IQCN: variants seen among roughly 807,000 people sequenced by gnomAD.
IQCN encodes the protein IQ domain-containing protein N.
IQCN carries 46 observed loss-of-function variants against 64.4 expected under a neutral mutation model. The observed-to-expected ratio is 0.71, with a 90% CI of 0.56 to 0.91. IQCN has a LOEUF of 0.91. Among genes scored for constraint, IQCN ranks in the 40% least tolerant of loss-of-function variants. The pLI, the probability that IQCN is intolerant of heterozygous loss-of-function variation, is 0.00. For missense variants in IQCN, 1,753 were observed against 1,857.4 expected (o/e 0.94, Z 1.03); for synonymous variants, 733 against 775.6 (o/e 0.95, Z 0.91).
At position 18,267,465 on chromosome 19, in the gene IQCN, C is replaced by T; in HGVS notation, c.75G>A (p.Glu25=). 1 of 1,538,920 alleles carries T rather than the reference C, an allele frequency of 6.5e-7. No individual in the cohort carries two copies. The highest frequency in any genetic ancestry group is 8.7e-7 in the Non-Finnish European group (1 of 1,145,726). ...GCACCGCCCACTGGGTGACAACTGG[C>T]TCGTGAACTGTAGCTAGGCGGCCGG... ...NAAGRLATVH[E]PVVTQWAVHP... Residue 25 remains glutamate, a synonymous_variant, in exon 3 of 4, where the codon GAG becomes GAA. Transcript: ENST00000392413.
Position 18,257,154 on chromosome 19 carries a change from A to G in IQCN, c.*26T>C. ...AGAGAGCCATGAGTGCCTCCCACGA[A>G]GTCCCCACTGCAGGGAGCCAGGGTC... On this transcript the variant is annotated 3_prime_UTR_variant, in exon 4 of 4. Coordinates refer to ENST00000392413, the MANE Select transcript of IQCN (RefSeq NM_001145304.2). 1.2e-6 allele frequency: 2 copies of G among 1,606,526 alleles called. No homozygotes were observed. The highest frequency in any genetic ancestry group is 1.7e-6 in the Non-Finnish European group (2 of 1,177,866).
intron 1 of IQCN, among the ~76,000 whole-genome samples, chr19:18,271,611 T>C (rs769950252): frequency 1.1e-4 from 16 of 152,070 alleles, no homozygotes; most frequent in South Asian, 2.1e-4. Flanking sequence ...ACGGAGATAA[T>C]TGCTGGATCG....
rs61740702 is a variant in IQCN at position 18,266,726 on chromosome 19, C to T, written c.814G>A (p.Val272Ile). 408 of 1,614,070 alleles carry T rather than the reference C, an allele frequency of 2.5e-4. 1 individual carries two copies. The African/African-American group carries it at 3.2e-3, about 13-fold the overall frequency. The change falls in exon 3 of 4, where the codon GTC becomes ATC. Residue 272 changes from valine to isoleucine, a missense_variant. Val to Ile is a conservative substitution (Grantham distance 29). Transcript: ENST00000392413. This position sits in a 1 kb window ranked among gnomAD's most constrained non-coding sequence, Gnocchi z 4.3. ...TTCACTGAGTCACCCTCTATGTGGA[C>T]GAGGCAGGTGCTTCTGATGGTTCTG... Reference protein sequence around the residue: ...LTRTIRSTCLVHIEGDSVKTK... With the variant: ...LTRTIRSTCLIHIEGDSVKTK...
Position 18,258,279 on chromosome 19 carries a change from A to G in IQCN, c.3178-173T>C, listed in dbSNP as rs1220545172. 4.0e-6 allele frequency: 3 copies of G among 747,978 alleles called. No individual in the cohort carries two copies. In the Admixed American group the frequency reaches 6.0e-5, roughly 15 times the overall value. 46.3% of individuals were successfully genotyped at this position (747,978 alleles called of 1,614,324 possible). ...CCGAACTCCCGGGGCCAGCGGAGGA[A>G]TGACCGAGGAGTGTGTCATCTCCCC... On this transcript the variant is annotated intron_variant, in intron 3 of 3. Transcript: ENST00000392413.
chr19:18,257,356 C>A lies in IQCN; in HGVS notation c.3928G>T (p.Ala1310Ser). 1.2e-6 allele frequency: 2 copies of A among 1,612,484 alleles called. No homozygotes were observed. Among genetic ancestry groups the A allele is most frequent in the Non-Finnish European group, 8.5e-7 (1 of 1,179,678 alleles). Residue 1310 changes from alanine to serine, a missense_variant, in exon 4 of 4, where the codon GCC (alanine) becomes TCC (serine). Transcript: ENST00000392413. ...TGGCGGATCTTAAAGCCCCTCCAGG[C>A]GGACTGGATGGCTGTGGCCGCTTTG... ...QDKAATAIQSAWRGFKIRQQM... is the reference protein window; with the variant it reads ...QDKAATAIQSSWRGFKIRQQM...
intron 3 of IQCN, 84 bp from the exon 4 acceptor site, chr19:18,258,190 A>T (rs772213938): frequency 6.8e-7 from 1 of 1,465,168 alleles, no homozygotes; most frequent in Non-Finnish European, 9.4e-7. Flanking sequence ...CTCCACGGTG[A>T]CTCCTGGTTA....
intron 1 of IQCN, 63 bp from the exon 2 acceptor site, chr19:18,269,650 A>C: frequency 2.1e-6 from 1 of 470,222 alleles, no homozygotes; most frequent in Non-Finnish European, 3.7e-6. Context: ...TAAAATTTCT[A>C]AATTCTAAAA....
intron 1 of IQCN, among the ~76,000 whole-genome samples, chr19:18,272,483 G>C (rs16982288): frequency 0.14 from 21,401 of 152,050 alleles, 1,686 homozygotes; most frequent in African/African-American, 0.2. Flanking sequence ...TTTTCACCAG[G>C]TCAAGACTGC....
intron 3 of IQCN, chr19:18,260,172 C>T (rs1294025172): frequency 6.6e-6 from 1 of 152,546 alleles, no homozygotes; most frequent in Non-Finnish European, 1.5e-5. Flanking sequence ...ATGCCTCCCA[C>T]CAACCCTGGG....
chr19:18,273,395 T>G (rs965826928), intron 1 of IQCN, among the ~76,000 whole-genome samples: 1 of 151,916 alleles, frequency 6.6e-6, no homozygotes, highest in African/African-American at 2.4e-5. Context: ...TGGAGTGCAA[T>G]GGCGCCATCT....
Position 18,266,154 on chromosome 19 carries a change from G to A in IQCN, c.1386C>T (p.Thr462=). Residue 462 remains threonine (T), a synonymous_variant, in exon 3 of 4, where the codon ACC becomes ACT. Transcript: ENST00000392413. This position sits in a 1 kb window ranked among gnomAD's most constrained non-coding sequence, Gnocchi z 4.3. ...KTPPQMHPVT[T]PAKNPLQTCL... The stretch of plus-strand genomic sequence containing the variant: ...ATGTTTGCAATGGGTTTTTGGCTGG[G>A]GTGGTGACCGGGTGCATCTGGGGTG... 6.2e-7 allele frequency: 1 copy of A among 1,614,170 alleles called. No homozygotes were observed. Among genetic ancestry groups the A allele is most frequent in the Non-Finnish European group, 8.5e-7 (1 of 1,180,038 alleles).
At chr19:18,268,204 G>C (rs1969648965) in intron 2 of IQCN, among the ~76,000 whole-genome samples, 1 of 151,218 alleles carries the variant, frequency 6.6e-6, no homozygotes, top group Non-Finnish European at 1.5e-5. Flanking sequence ...GTGTGTGTGT[G>C]TGTGTGTGTG....
chr19:18,258,044 C>T lies in IQCN; in HGVS notation c.3240G>A (p.Arg1080=). The T allele has an allele frequency of 6.2e-7, 1 of 1,612,734 alleles. No homozygotes were observed. The highest frequency in any genetic ancestry group is 8.5e-7 in the Non-Finnish European group (1 of 1,180,000). Residue 1080 remains arginine, a synonymous_variant, in exon 4 of 4, where the codon AGG becomes AGA. Coordinates refer to ENST00000392413, the MANE Select transcript of IQCN (RefSeq NM_001145304.2). The stretch of plus-strand genomic sequence containing the variant: ...GCCAGGTGTCCCAGGACGCAGCACC[C>T]CTGGCTGGCTCCCATGCGCGGTTCC... ...QSWNRAWEPA[R]GAASWDTWRN... is the part of the protein sequence containing the mutation.
In IQCN at chr19:18,257,894, A is replaced by G. The variant is rs769492006; in HGVS notation, c.3390T>C (p.Arg1130=). The change falls in exon 4 of 4, where the codon CGT becomes CGC. Residue 1130 remains arginine, a synonymous_variant. Transcript: ENST00000392413. ...IQAGVRGYLA[R]RRIRLWHRGA... Reference sequence around the variant, plus strand: ...CCCGGTGCCACAGCCGGATCCTGCGACGCGCCAGGTAGCCACGGACGCCCG... The same window carrying G: ...CCCGGTGCCACAGCCGGATCCTGCGGCGCGCCAGGTAGCCACGGACGCCCG... 3.8e-5 allele frequency: 61 copies of G among 1,612,492 alleles called. No individual in the cohort carries two copies. In the South Asian group the frequency reaches 6.6e-4, roughly 17 times the overall value.
chr19:18,264,404 A>T lies in IQCN; in HGVS notation c.3136T>A (p.Trp1046Arg). The change falls in exon 3 of 4, where the codon TGG becomes AGG. Residue 1046 changes from tryptophan to arginine, a missense_variant. Coordinates refer to ENST00000392413, the MANE Select transcript of IQCN (RefSeq NM_001145304.2). This position sits in a 1 kb window ranked among gnomAD's most constrained non-coding sequence, Gnocchi z 4.3. The stretch of plus-strand genomic sequence containing the variant: ...CTCACGGGGCCCAGGGAGGGCCCCC[A>T]TGCGGCCGATGGACTCCTCCTGCAG... ...VACRRSPSAA[W>R]GPSLGPVRPQ... 6.5e-7 allele frequency: 1 copy of T among 1,530,436 alleles called. No homozygotes were observed. 94.8% of individuals were successfully genotyped at this position (1,530,436 alleles called of 1,614,324 possible).
chr19:18,273,517 A>C (rs1220030771), intron 1 of IQCN, among the ~76,000 whole-genome samples: 1 of 151,984 alleles, frequency 6.6e-6, no homozygotes. Flanking sequence ...TTTTTAGTGG[A>C]AATGGGGTTT....
chr19:18,272,079 G>A (rs976004434), intron 1 of IQCN, among the ~76,000 whole-genome samples: 2 of 151,518 alleles, frequency 1.3e-5, no homozygotes, highest in African/African-American at 4.8e-5. Context: ...CGCCTGCCTC[G>A]GCCTCCCAAA....
chr19:18,257,436 C>A lies in IQCN; in HGVS notation c.3848G>T (p.Trp1283Leu), dbSNP rs61740691. Residue 1283 changes from tryptophan (W) to leucine (L), a missense_variant, in exon 4 of 4, where the codon TGG becomes TTG. By Grantham distance (61) the Trp-to-Leu change is moderately conservative. Transcript: ENST00000392413. ...QGTEGPGAVSWASAYQLAALS... is the reference protein window; with the variant it reads ...QGTEGPGAVSLASAYQLAALS... Reference sequence around the variant, plus strand: ...GGCAGCCAGCTGGTAGGCGGAGGCCCAAGACACTGCCCCGGGGCCCTCAGT... The same window carrying A: ...GGCAGCCAGCTGGTAGGCGGAGGCCAAAGACACTGCCCCGGGGCCCTCAGT... The A allele has an allele frequency of 1.5e-5, 24 of 1,609,470 alleles. No individual in the cohort carries two copies. The African/African-American group carries it at 2.7e-4, about 18-fold the overall frequency.
chr19:18,267,390 C>A lies in IQCN; in HGVS notation c.150G>T (p.Ala50=). The A allele has an allele frequency of 6.2e-7, 1 of 1,601,648 alleles. No individual in the cohort carries two copies. The stretch of plus-strand genomic sequence containing the variant: ...GGCCCTCGTGCTGGGGCTGTGGAGG[C>A]GCTTTCTCCATTTTGTCCAGGAGAC... ...HPSLLDKMEK[A]PPQPQHEGLK... is the part of the protein sequence containing the mutation. The change falls in exon 3 of 4, where the codon GCG becomes GCT. Residue 50 remains alanine (A), a synonymous_variant. Transcript: ENST00000392413.
Sources: allele counts gnomAD v4.1 joint callset (sites outside exome capture counted in the v4.1 genomes callset), GRCh38; gene constraint gnomAD v4.1.1; non-coding constraint Gnocchi (gnomAD v3.1); transcripts MANE v1.5; gene names NCBI Gene and HGNC (gene_info 2026-07-23, HGNC 2026-07-21).